Variants in CAMKMT observed in about 807,000 individuals in gnomAD.
CAMKMT encodes CaM KMT.
CAMKMT carries 53 observed loss-of-function variants against 48.0 expected under a neutral mutation model. The observed-to-expected ratio is 1.10, with a 90% CI of 0.89 to 1.39. The LOEUF (loss-of-function observed/expected upper bound fraction) is 1.39, where lower values mean the gene tolerates loss of function less well. Among genes scored for constraint, CAMKMT ranks in the 40% most tolerant of loss-of-function variants. The probability of loss-of-function intolerance (pLI) is 0.00; values close to 1 mark genes in which losing one functional copy is unlikely to be tolerated. For synonymous variants in CAMKMT, 165 were observed against 152.3 expected, an observed-to-expected ratio of 1.08 and a Z score of -0.61; for missense variants, 428 against 402.7, an observed-to-expected ratio of 1.06 and a Z score of -0.54.
intron 3 of CAMKMT, among the ~76,000 whole-genome samples, chr2:44,422,365 C>T (rs1257640099): frequency 6.6e-6 from 1 of 152,136 alleles, no homozygotes; most frequent in Non-Finnish European, 1.5e-5. Flanking sequence ...TGGACTAGCA[C>T]ATTAATGTTG....
At chr2:44,470,467 A>G (rs1381747851) in intron 3 of CAMKMT, among the ~76,000 whole-genome samples, 1 of 147,876 alleles carries the variant, frequency 6.8e-6, no homozygotes, top group Admixed American at 6.9e-5. Flanking sequence ...TTCTCAAGGA[A>G]TACCTTGGAA....
chr2:44,438,073 G>A (rs1666392437), intron 3 of CAMKMT, among the ~76,000 whole-genome samples: 1 of 152,042 alleles, frequency 6.6e-6, no homozygotes, highest in Admixed American at 6.5e-5. Context: ...AACTCTTTGA[G>A]AAAGGTACTT....
At chr2:44,442,415 CT>C (rs1308060371) in intron 3 of CAMKMT, among the ~76,000 whole-genome samples, 3 of 152,014 alleles carry the variant, frequency 2.0e-5, no homozygotes, top group Non-Finnish European at 2.9e-5. Context: ...GCTCATTTTG[CT>C]TTGTTAGTCT....
chr2:44,683,479 CT>C (rs1676136536), intron 3 of CAMKMT, among the ~76,000 whole-genome samples: 3 of 152,278 alleles, frequency 2.0e-5, no homozygotes, highest in Non-Finnish European at 2.9e-5. Context: ...CCCCTGGATC[CT>C]TTAGACCTTA....
chr2:44,455,479 C>T (rs1667514700), intron 3 of CAMKMT, among the ~76,000 whole-genome samples: 1 of 152,126 alleles, frequency 6.6e-6, no homozygotes, highest in African/African-American at 2.4e-5. Flanking sequence ...GAGAAGGTTT[C>T]CAACCCAATT....
chr2:44,505,286 G>GCTA, intron 3 of CAMKMT, among the ~76,000 whole-genome samples: 1 of 152,148 alleles, frequency 6.6e-6, no homozygotes, highest in Middle Eastern at 3.4e-3. Context: ...TATTCTACAT[G>GCTA]CTACTCTTTG....
intron 3 of CAMKMT, among the ~76,000 whole-genome samples, chr2:44,681,375 A>G (rs1191638497): frequency 6.6e-6 from 1 of 152,140 alleles, no homozygotes; most frequent in East Asian, 1.9e-4. Context: ...TACCGCTCAT[A>G]GCTGATAGGA....
chr2:44,679,457 G>T (rs1237050563), intron 3 of CAMKMT, among the ~76,000 whole-genome samples: 1 of 152,146 alleles, frequency 6.6e-6, no homozygotes, highest in African/African-American at 2.4e-5. Context: ...GAACTGTAAA[G>T]TGACCAAGAA....
chr2:44,659,081 T>G (rs1008207752), intron 3 of CAMKMT, among the ~76,000 whole-genome samples: 4 of 140,210 alleles, frequency 2.9e-5, no homozygotes, highest in Admixed American at 2.1e-4. Flanking sequence ...TGTAGTTTTT[T>G]TTTTTTTTTT....
intron 3 of CAMKMT, among the ~76,000 whole-genome samples, chr2:44,680,347 T>G (rs889843257): frequency 6.6e-6 from 1 of 152,214 alleles, no homozygotes; most frequent in South Asian, 2.1e-4. Context: ...ATTGTCACAC[T>G]CTTTTTTTGA....
chr2:44,763,263 C>G (rs1264389095), intron 9 of CAMKMT, among the ~76,000 whole-genome samples: 1 of 152,148 alleles, frequency 6.6e-6, no homozygotes, highest in Non-Finnish European at 1.5e-5. Flanking sequence ...AAACTACTGC[C>G]CAGTCTTTCT....
At chr2:44,749,923 G>A (rs2104383899) in intron 8 of CAMKMT, among the ~76,000 whole-genome samples, 1 of 152,278 alleles carries the variant, frequency 6.6e-6, no homozygotes, top group Non-Finnish European at 1.5e-5. Flanking sequence ...AGAAGGGTCT[G>A]ACCTGCAGCA....
At chr2:44,518,207 C>G (rs375755871) in intron 3 of CAMKMT, among the ~76,000 whole-genome samples, 1 of 151,708 alleles carries the variant, frequency 6.6e-6, no homozygotes, top group South Asian at 2.1e-4. Context: ...TATTGTTAGA[C>G]AAAAATACAA....
rs562172265 is a variant in CAMKMT at position 44,444,981 on chromosome 2, G to A, written c.376+54676G>A. Among the ~76,000 whole-genome samples the A allele has an allele frequency of 1.8e-4, 27 of 152,252 alleles. 1 individual carries two copies. In the South Asian group the frequency reaches 5.4e-3, roughly 30 times the overall value. ...TCCAAGCTTTGGGTCAAAGCCCTGGGAAAGAAAACTGGATCTAAGGGATCT... is the reference window on the plus strand; with the variant it reads ...TCCAAGCTTTGGGTCAAAGCCCTGGAAAAGAAAACTGGATCTAAGGGATCT... On this transcript the variant is annotated intron_variant, in intron 3 of 10. Transcript: ENST00000378494.
intron 3 of CAMKMT, among the ~76,000 whole-genome samples, chr2:44,418,790 A>T (rs772479038): frequency 1.3e-5 from 2 of 152,196 alleles, no homozygotes; most frequent in African/African-American, 4.8e-5. Flanking sequence ...GTCTACTACA[A>T]TTTTGATTGG....
chr2:44,458,249 G>A (rs1254710753), intron 3 of CAMKMT, among the ~76,000 whole-genome samples: 5 of 152,004 alleles, frequency 3.3e-5, no homozygotes, highest in Non-Finnish European at 5.9e-5. Flanking sequence ...GTTTCACCAT[G>A]TTGGCTAGGC....
chr2:44,550,260 G>T (rs1467870471), intron 3 of CAMKMT, among the ~76,000 whole-genome samples: 1 of 151,840 alleles, frequency 6.6e-6, no homozygotes, highest in Non-Finnish European at 1.5e-5. Context: ...AATTAGGCAG[G>T]TCTGGTGACA....
At chr2:44,670,078 T>C (rs1456470995) in intron 3 of CAMKMT, among the ~76,000 whole-genome samples, 1 of 152,252 alleles carries the variant, frequency 6.6e-6, no homozygotes, top group Non-Finnish European at 1.5e-5. Flanking sequence ...CTTTCCCTTA[T>C]TGATTTGTAA....
At chr2:44,374,449 G>T (rs923829975) in intron 2 of CAMKMT, among the ~76,000 whole-genome samples, 3 of 152,172 alleles carry the variant, frequency 2.0e-5, no homozygotes, top group Admixed American at 6.5e-5. Context: ...ATCCAGTAGG[G>T]GTCTTTAGGT....
Sources: gnomAD v4.1 joint callset for allele counts (sites outside exome capture counted in the v4.1 genomes callset) on GRCh38, gnomAD v4.1.1 for gene constraint, MANE v1.5 for transcripts, NCBI Gene and HGNC (gene_info 2026-07-23, HGNC 2026-07-21) for gene names.